Variants in FER1L5 observed in about 807,000 individuals in gnomAD.
FER1L5 encodes fer-1 like family member 5.
Under a neutral mutation model 279.9 loss-of-function variants are expected in FER1L5, and 187 were observed. The ratio of observed to expected loss-of-function variants is 0.67; its 90% CI spans 0.59 to 0.75. The LOEUF (loss-of-function observed/expected upper bound fraction) is 0.75, where lower values mean the gene tolerates loss of function less well. Ranked by LOEUF, FER1L5 falls within the 30% of genes least tolerant of loss-of-function variation. The probability of loss-of-function intolerance (pLI) is 0.00; values close to 1 mark genes in which losing one functional copy is unlikely to be tolerated. For missense variants in FER1L5, 2,091 were observed against 2,594.4 expected (o/e 0.81, Z 4.21); for synonymous variants, 921 against 989.7 (o/e 0.93, Z 1.30).
At chr2:96,651,326 CTT>C (rs1271671713) in intron 6 of FER1L5, among the ~76,000 whole-genome samples, 6 of 148,410 alleles carry the variant, frequency 4.0e-5, no homozygotes, top group East Asian at 4.0e-4. Flanking sequence ...TTCTTTCTCT[CTT>C]TCTTTCTTTC....
intron 19 of FER1L5, among the ~76,000 whole-genome samples, chr2:96,676,043 TG>T (rs141718634): frequency 0.035 from 5,349 of 152,328 alleles, 96 homozygotes; most frequent in African/African-American, 0.051. Flanking sequence ...TTATCTTTTT[TG>T]TTTGGGTTTA....
Position 96,691,266 on chromosome 2 carries a change from G to A in FER1L5, c.2820G>A (p.Ser940=), listed in dbSNP as rs1012433635. The A allele has an allele frequency of 1.9e-5, 29 of 1,550,426 alleles. No homozygotes were observed. The highest frequency in any genetic ancestry group is 4.9e-5 in the East Asian group (2 of 40,932). The stretch of plus-strand genomic sequence containing the variant: ...GCCCGGTGGAGAAGACCTACCACTC[G>A]TGCCGCCGCCGGCGCTGGGCGCGTG... The part of the protein sequence containing the change: ...VWSPVEKTYH[S]CRRRRWARVR... Residue 940 remains serine (S), a synonymous_variant, in exon 28 of 53, where the codon TCG becomes TCA. Coordinates refer to ENST00000624922, the MANE Select transcript of FER1L5 (RefSeq NM_001293083.2). The surrounding 1 kb of genome is among the most constrained non-coding windows in gnomAD (Gnocchi z 6.0).
chr2:96,688,759 G>C (rs571494473), intron 24 of FER1L5, among the ~76,000 whole-genome samples: 2 of 149,776 alleles, frequency 1.3e-5, no homozygotes, highest in Admixed American at 6.7e-5. Context: ...AGCGGGCACC[G>C]GAGGACTGGG....
At chr2:96,659,924 T>A (rs2075894364) in intron 9 of FER1L5, among the ~76,000 whole-genome samples, 1 of 152,158 alleles carries the variant, frequency 6.6e-6, no homozygotes, top group Non-Finnish European at 1.5e-5. Flanking sequence ...CAAACCTCTG[T>A]GTCAGAAACT....
chr2:96,664,435 T>G (rs1157034149), intron 14 of FER1L5, among the ~76,000 whole-genome samples: 2 of 152,222 alleles, frequency 1.3e-5, no homozygotes, highest in African/African-American at 4.8e-5. Flanking sequence ...AGAAATGGAA[T>G]CGTTCAGTAA....
At chr2:96,662,366 T>C in intron 13 of FER1L5, 99 bp downstream of exon 13, 1 of 1,101,524 alleles carries the variant, frequency 9.1e-7, no homozygotes. Context: ...AGGAATCATC[T>C]CCCAGTCACC....
At position 96,702,641 on chromosome 2, in the gene FER1L5, T is replaced by C; in HGVS notation, c.5297T>C (p.Ile1766Thr). 6.3e-7 allele frequency: 1 copy of C among 1,599,216 alleles called. No individual in the cohort carries two copies. Among genetic ancestry groups the C allele is most frequent in the South Asian group, 1.1e-5 (1 of 88,622 alleles). ...GAGAAGGACATGCAGAAGACAGACA[T>C]CCACTACCACTCGCTGACTGGGGAG... ...GLEKDMQKTD[I>T]HYHSLTGEAD... Residue 1766 changes from isoleucine to threonine, a missense_variant, in exon 48 of 53, where the codon ATC (isoleucine) becomes ACC (threonine). Physicochemically the swap from Ile to Thr is moderately conservative, Grantham distance 89 (BLOSUM62 -1). Transcript: ENST00000624922. The surrounding 1 kb of genome is among the most constrained non-coding windows in gnomAD (Gnocchi z 4.0).
At chr2:96,658,551 C>T (rs932273369) in intron 9 of FER1L5, among the ~76,000 whole-genome samples, 3 of 151,214 alleles carry the variant, frequency 2.0e-5, no homozygotes, top group Non-Finnish European at 4.4e-5. Flanking sequence ...TGCACCCGGA[C>T]GTGTATGTTA....
chr2:96,647,190 T>C, intron 3 of FER1L5, 35 bp downstream of exon 3: 2 of 1,543,768 alleles, frequency 1.3e-6, no homozygotes, highest in Non-Finnish European at 1.8e-6. Flanking sequence ...GCCTAGCTCC[T>C]GACCAACGCA....
chr2:96,702,674 TC>T lies in FER1L5; in HGVS notation c.5331del (p.Phe1777LeufsTer34), dbSNP rs755160450. 6.2e-7 allele frequency: 1 copy of T among 1,612,058 alleles called. No individual in the cohort carries two copies. Among genetic ancestry groups the T allele is most frequent in the Non-Finnish European group, 8.5e-7 (1 of 1,179,104 alleles). On this transcript the variant is annotated frameshift_variant, in exon 48 of 53. Coordinates refer to ENST00000624922, the MANE Select transcript of FER1L5 (RefSeq NM_001293083.2). LOFTEE classifies it high-confidence loss of function. The surrounding 1 kb of genome is among the most constrained non-coding windows in gnomAD (Gnocchi z 4.0). ...CACTCGCTGACTGGGGAGGCCGACTTCAACTGGCGGTTCATCTTTACCATGG... is the reference window on the plus strand; with the variant it reads ...CACTCGCTGACTGGGGAGGCCGACTTAACTGGCGGTTCATCTTTACCATGG... ...HYHSLTGEAD[F>X]NWRFIFTMDY...
chr2:96,667,888 TCTCA>T (rs1237755438), intron 14 of FER1L5, among the ~76,000 whole-genome samples: 2 of 152,038 alleles, frequency 1.3e-5, no homozygotes, highest in Admixed American at 6.5e-5. Context: ...TGAAACAAGG[TCTCA>T]CTCTGTCACC....
chr2:96,686,247 G>A lies in FER1L5; in HGVS notation c.2126G>A (p.Arg709Gln), dbSNP rs555318894. 4.1e-5 allele frequency: 64 copies of A among 1,551,534 alleles called. No individual in the cohort carries two copies. In the Admixed American group the frequency reaches 6.3e-4, roughly 15 times the overall value. Residue 709 changes from arginine to glutamine, a missense_variant, in exon 23 of 53, where the codon CGA becomes CAA. Physicochemically the swap from Arg to Gln is conservative, Grantham distance 43 (BLOSUM62 1). Transcript: ENST00000624922. ...VMIWLVAKEQ[R>Q]VAYAQVPAHS... ...ATTTGGCTGGTGGCCAAGGAGCAGC[G>A]AGTGGCCTATGCACAGGTGCCTGCC... is the stretch of plus-strand genomic sequence containing the variant.
intron 18 of FER1L5, among the ~76,000 whole-genome samples, chr2:96,671,052 A>G (rs2076304456): frequency 1.5e-5 from 2 of 137,192 alleles, no homozygotes; most frequent in South Asian, 4.8e-4. Context: ...GGTTGCAGTG[A>G]GCCAGGATCA....
rs563849594 is a variant in FER1L5 at position 96,699,734 on chromosome 2, C to G, written c.4781+14C>G. ...ATCCTACTGCCAGTGAGAGTGGGCCCGTCTGGGGGAAGGGAGTCAGGTGGG... is the reference window on the plus strand; with the variant it reads ...ATCCTACTGCCAGTGAGAGTGGGCCGGTCTGGGGGAAGGGAGTCAGGTGGG... On this transcript the variant is annotated intron_variant, in intron 43 of 52. Coordinates refer to ENST00000624922, the MANE Select transcript of FER1L5 (RefSeq NM_001293083.2). 3 of 1,613,196 alleles carry G rather than the reference C, an allele frequency of 1.9e-6. No homozygotes were observed. The highest frequency in any genetic ancestry group is 2.7e-5 in the African/African-American group (2 of 74,918).
chr2:96,668,281 T>A (rs551482894), intron 14 of FER1L5, among the ~76,000 whole-genome samples: 1 of 151,996 alleles, frequency 6.6e-6, no homozygotes, highest in African/African-American at 2.4e-5. Flanking sequence ...CCCAACATTT[T>A]GAGAGCCCTA....
At chr2:96,659,358 C>T (rs866460209) in intron 9 of FER1L5, among the ~76,000 whole-genome samples, 1,009 of 60,542 alleles carry the variant, frequency 0.017, 149 homozygotes, top group Middle Eastern at 0.12. Flanking sequence ...TCCTTCCTTC[C>T]TTCCTTCTTT....
intron 51 of FER1L5, 55 bp downstream of exon 51, chr2:96,703,687 G>C (rs1573983742): frequency 1.3e-6 from 2 of 1,544,224 alleles, no homozygotes; most frequent in South Asian, 1.1e-5. Context: ...AGTGTGTATG[G>C]GGTGGTGACC....
At chr2:96,672,086 A>C (rs1291004464) in intron 18 of FER1L5, among the ~76,000 whole-genome samples, 4 of 152,052 alleles carry the variant, frequency 2.6e-5, no homozygotes. Context: ...AAAGTAAAAA[A>C]ATTTTTTTTG....
chr2:96,663,250 G>C (rs552153965), intron 13 of FER1L5, among the ~76,000 whole-genome samples, 189 bp from the exon 14 acceptor site: 3 of 152,188 alleles, frequency 2.0e-5, no homozygotes, highest in Non-Finnish European at 4.4e-5. Context: ...CAAACACCTC[G>C]GGTAAGTACA....
Sources: gnomAD v4.1 joint callset for allele counts (sites outside exome capture counted in the v4.1 genomes callset) on GRCh38, gnomAD v4.1.1 for gene constraint, Gnocchi (gnomAD v3.1) non-coding constraint, MANE v1.5 for transcripts, NCBI Gene and HGNC (gene_info 2026-07-23, HGNC 2026-07-21) for gene names.